ARHGAP24: variants seen among roughly 807,000 people sequenced by gnomAD.
The protein encoded by ARHGAP24 is rho GTPase-activating protein 24.
ARHGAP24 carries 50 observed loss-of-function variants against 76.4 expected under a neutral mutation model. The ratio of observed to expected loss-of-function variants is 0.65; its 90% CI spans 0.52 to 0.83. The LOEUF is 0.83. Among genes scored for constraint, ARHGAP24 ranks in the 40% least tolerant of loss-of-function variants. The pLI is 0.00. For missense variants in ARHGAP24, 930 were observed against 914.2 expected (o/e 1.02, Z -0.22); for synonymous variants, 345 against 323.3 (o/e 1.07, Z -0.72).
intron 2 of ARHGAP24, among the ~76,000 whole-genome samples, chr4:85,676,278 G>A (rs1467782635): frequency 2.0e-5 from 3 of 152,152 alleles, no homozygotes; most frequent in African/African-American, 4.8e-5. Flanking sequence ...CTTTTAATGA[G>A]CAGTCCTGCT....
At chr4:85,944,074 C>T (rs1318469993) in intron 5 of ARHGAP24, among the ~76,000 whole-genome samples, 1 of 152,124 alleles carries the variant, frequency 6.6e-6, no homozygotes, top group Non-Finnish European at 1.5e-5. Context: ...ACATTCCCAC[C>T]AACAGTGTAA....
chr4:85,637,437 C>T (rs749147273), intron 2 of ARHGAP24, among the ~76,000 whole-genome samples: 18 of 152,076 alleles, frequency 1.2e-4, no homozygotes, highest in Non-Finnish European at 2.2e-4. Context: ...TTCAACTACA[C>T]TGATTTTCGA....
intron 3 of ARHGAP24, among the ~76,000 whole-genome samples, chr4:85,862,084 C>T (rs1483420596): frequency 6.6e-6 from 1 of 151,906 alleles, no homozygotes; most frequent in African/African-American, 2.4e-5. Flanking sequence ...GTGCCTTCCC[C>T]CCTTCTCTAA....
Position 85,529,011 on chromosome 4 carries a change from G to A in ARHGAP24, c.-20-41511G>A, listed in dbSNP as rs543423564. ...CAGTATTGGGATCTGAGACAAATACGTAATATCATCTTGACTACTCCTGAG... is the reference window on the plus strand; with the variant it reads ...CAGTATTGGGATCTGAGACAAATACATAATATCATCTTGACTACTCCTGAG... On this transcript the variant is annotated intron_variant, in intron 1 of 9. Transcript: ENST00000395184. Among the ~76,000 whole-genome samples the A allele has an allele frequency of 8.4e-4, 128 of 152,092 alleles. 1 individual carries two copies. The highest frequency in any genetic ancestry group is 3.4e-3 in the Middle Eastern group (1 of 294).
At chr4:85,834,274 A>G (rs779111309) in intron 3 of ARHGAP24, among the ~76,000 whole-genome samples, 1 of 152,220 alleles carries the variant, frequency 6.6e-6, no homozygotes, top group Non-Finnish European at 1.5e-5. Context: ...ACCTTCTTCC[A>G]TAGGACCTAA....
In ARHGAP24 at chr4:85,812,655, T is replaced by C. The variant is rs1729063691; in HGVS notation, c.268+90683T>C. ...TCCAATTCTCTTTCCCTGTGTTCCT[T>C]GAGAGTTCCTTTCAGGAGATATGTT... is the stretch of plus-strand genomic sequence containing the variant. On this transcript the variant is annotated intron_variant, in intron 3 of 9. Coordinates refer to ENST00000395184, the MANE Select transcript of ARHGAP24 (RefSeq NM_001025616.3). 3.9e-5 allele frequency among the ~76,000 whole-genome samples: 6 copies of C among 152,338 alleles called. No homozygotes were observed. In the South Asian group the frequency reaches 1.2e-3, roughly 32 times the overall value.
At chr4:85,727,453 T>A (rs1725210643) in intron 3 of ARHGAP24, among the ~76,000 whole-genome samples, 1 of 152,118 alleles carries the variant, frequency 6.6e-6, no homozygotes, top group African/African-American at 2.4e-5. Context: ...TTTGAAAGCA[T>A]GTTCTAAGGC....
chr4:85,974,009 ATTTTT>A (rs201491396), intron 6 of ARHGAP24, among the ~76,000 whole-genome samples: 1 of 127,112 alleles, frequency 7.9e-6, no homozygotes, highest in Admixed American at 8.0e-5. Context: ...AGCCTGGCTA[ATTTTT>A]TTTTTTTTTT....
chr4:85,558,643 G>A (rs1252887778), intron 1 of ARHGAP24, among the ~76,000 whole-genome samples: 1 of 152,156 alleles, frequency 6.6e-6, no homozygotes, highest in Admixed American at 6.5e-5. Flanking sequence ...GAGAGCAACT[G>A]TGGTTTAGTG....
intron 3 of ARHGAP24, among the ~76,000 whole-genome samples, chr4:85,754,295 G>A (rs1726389371): frequency 6.6e-6 from 1 of 152,186 alleles, no homozygotes. Context: ...ATTCCATTGT[G>A]TACAGATATC....
At chr4:85,705,264 A>G (rs536315077) in intron 2 of ARHGAP24, among the ~76,000 whole-genome samples, 1 of 152,254 alleles carries the variant, frequency 6.6e-6, no homozygotes, top group African/African-American at 2.4e-5. Flanking sequence ...AATTATTTAT[A>G]AAGTATTAAA....
chr4:85,987,186 C>A (rs867774612), intron 8 of ARHGAP24, among the ~76,000 whole-genome samples: 112 of 152,056 alleles, frequency 7.4e-4, no homozygotes, highest in African/African-American at 9.9e-4. Flanking sequence ...AAAGGGGAAA[C>A]TGTGTTTAAA....
chr4:85,672,565 C>T lies in ARHGAP24; in HGVS notation c.181-49320C>T, dbSNP rs148034987. ...TAAGGCAGAATCTTCCCATTACCAGCGTGATTATTACTCTTCATCAGCAGG... is the reference window on the plus strand; with the variant it reads ...TAAGGCAGAATCTTCCCATTACCAGTGTGATTATTACTCTTCATCAGCAGG... On this transcript the variant is annotated intron_variant, in intron 2 of 9. Coordinates refer to ENST00000395184, the MANE Select transcript of ARHGAP24 (RefSeq NM_001025616.3). 2.3e-3 allele frequency among the ~76,000 whole-genome samples: 344 copies of T among 152,252 alleles called. 7 individuals are homozygous for T. The highest frequency in any genetic ancestry group is 0.02 in the Admixed American group (313 of 15,280).
intron 3 of ARHGAP24, among the ~76,000 whole-genome samples, chr4:85,867,884 A>AT (rs1321879518): frequency 3.3e-5 from 3 of 90,752 alleles, no homozygotes; most frequent in African/African-American, 1.1e-4. Flanking sequence ...AAACATATAT[A>AT]ATGTGTGTGT....
At chr4:85,639,008 G>T (rs1721423905) in intron 2 of ARHGAP24, among the ~76,000 whole-genome samples, 1 of 152,132 alleles carries the variant, frequency 6.6e-6, no homozygotes, top group African/African-American at 2.4e-5. Context: ...CTGACGAATG[G>T]AGGTAGAATA....
intron 8 of ARHGAP24, among the ~76,000 whole-genome samples, chr4:85,983,668 G>A (rs796529852): frequency 5.9e-5 from 9 of 152,176 alleles, no homozygotes; most frequent in African/African-American, 2.2e-4. Context: ...CAGTAAGAAA[G>A]TTGTTTTAAA....
intron 2 of ARHGAP24, among the ~76,000 whole-genome samples, chr4:85,598,871 C>T (rs558192438): frequency 2.7e-5 from 4 of 150,812 alleles, no homozygotes; most frequent in South Asian, 2.1e-4. Flanking sequence ...TATTAAATTT[C>T]CCAGGAGCCT....
At chr4:85,951,464 C>G (rs1397982130) in intron 5 of ARHGAP24, among the ~76,000 whole-genome samples, 1 of 152,078 alleles carries the variant, frequency 6.6e-6, no homozygotes, top group Non-Finnish European at 1.5e-5. Context: ...TCAAGTTTAT[C>G]TCACCCAGGT....
intron 1 of ARHGAP24, among the ~76,000 whole-genome samples, chr4:85,510,074 A>G (rs1018291307): frequency 1.1e-3 from 163 of 152,302 alleles, no homozygotes; most frequent in African/African-American, 3.8e-3. Context: ...GGACTTTGAG[A>G]GTGATCAAGT....
Sources: allele counts gnomAD v4.1 joint callset (sites outside exome capture counted in the v4.1 genomes callset), GRCh38; gene constraint gnomAD v4.1.1; transcripts MANE v1.5; gene names NCBI Gene and HGNC (gene_info 2026-07-23, HGNC 2026-07-21).